Variants in CPD observed in about 807,000 individuals in gnomAD.
CPD encodes carboxypeptidase D, also known as metallocarboxypeptidase D.
CPD carries 69 observed loss-of-function variants against 138.3 expected under a neutral mutation model. The ratio of observed to expected loss-of-function variants is 0.50; its 90% CI spans 0.41 to 0.61. The LOEUF (loss-of-function observed/expected upper bound fraction) is 0.61, where lower values mean the gene tolerates loss of function less well. Among genes scored for constraint, CPD ranks in the 20% least tolerant of loss-of-function variants. The pLI, the probability that CPD is intolerant of heterozygous loss-of-function variation, is 0.00. For missense variants in CPD, 1,432 were observed against 1,733.3 expected (o/e 0.83, Z 3.09); for synonymous variants, 651 against 642.1 (o/e 1.01, Z -0.21).
chr17:30,431,657 T>C, intron 7 of CPD, 115 bp from the exon 8 acceptor site: 1 of 688,772 alleles, frequency 1.5e-6, no homozygotes, highest in Non-Finnish European at 2.5e-6. Flanking sequence ...GTTGAGGAAA[T>C]TCTGCTTGGC....
At chr17:30,445,609 A>G in intron 11 of CPD, 82 bp from the exon 12 acceptor site, 2 of 958,308 alleles carry the variant, frequency 2.1e-6, no homozygotes, top group Non-Finnish European at 3.1e-6. Context: ...AAGGATTCTT[A>G]CGTTCTCTGC....
intron 14 of CPD, 157 bp from the exon 15 acceptor site, chr17:30,455,182 T>A (rs1913262325): frequency 4.7e-6 from 3 of 636,522 alleles, no homozygotes; most frequent in Non-Finnish European, 8.0e-6. Context: ...GTAATGTATC[T>A]TTCTTGCTTG....
rs1305622258 is a variant in CPD at position 30,427,398 on chromosome 17, A to G, written c.1857A>G (p.Ser619=). The G allele has an allele frequency of 9.3e-6, 15 of 1,613,872 alleles. No homozygotes were observed. Among genetic ancestry groups the G allele is most frequent in the Admixed American group, 3.3e-5 (2 of 60,004 alleles). Residue 619 remains serine (S), a synonymous_variant, in exon 7 of 21, where the codon TCA becomes TCG. Transcript: ENST00000225719. ...DGYEKSQEGD[S]ISVIGRNNSN... ...CTTTATCATATCATACAGGAGATTC[A>G]ATAAGTGTAATTGGCAGAAACAACA... is the stretch of plus-strand genomic sequence containing the variant.
intron 2 of CPD, among the ~76,000 whole-genome samples, chr17:30,398,868 A>T (rs990217805): frequency 1.3e-5 from 2 of 150,424 alleles, no homozygotes; most frequent in Non-Finnish European, 3.0e-5. Context: ...TTAAATAATT[A>T]AAAAAAAATT....
intron 11 of CPD, among the ~76,000 whole-genome samples, chr17:30,444,627 G>T (rs1912980254): frequency 6.6e-6 from 1 of 151,438 alleles, no homozygotes; most frequent in Non-Finnish European, 1.5e-5. Flanking sequence ...GGGTTCAAGG[G>T]ATGCTTGTGC....
Position 30,462,545 on chromosome 17 carries a change from C to G in CPD, c.3916+76C>G. On this transcript the variant is annotated intron_variant, in intron 20 of 20. Transcript: ENST00000225719. ...TTCAATATGAGAGTGGGTCACCTCT[C>G]TCATATTGATCCTGAAACTAATCAC... 3 of 948,004 alleles carry G rather than the reference C, an allele frequency of 3.2e-6. 1 individual carries two copies. The highest frequency in any genetic ancestry group is 4.5e-4 in the Middle Eastern group (2 of 4,492). 58.7% of individuals were successfully genotyped at this position (948,004 alleles called of 1,614,324 possible). A position where few individuals can be genotyped will look rare whatever the true frequency, so the allele number is the denominator to read the frequency against.
At chr17:30,399,997 T>A (rs915960884) in intron 2 of CPD, among the ~76,000 whole-genome samples, 4 of 152,050 alleles carry the variant, frequency 2.6e-5, no homozygotes, top group Non-Finnish European at 4.4e-5. Context: ...TCTCAAAAAA[T>A]AAATAAATAA....
intron 2 of CPD, among the ~76,000 whole-genome samples, chr17:30,411,143 C>A (rs562698767): frequency 6.6e-6 from 1 of 152,270 alleles, no homozygotes; most frequent in South Asian, 2.1e-4. Flanking sequence ...ATATGAAATT[C>A]TGGATTGAAA....
chr17:30,419,652 G>A (rs1912214656), intron 2 of CPD, among the ~76,000 whole-genome samples: 1 of 151,980 alleles, frequency 6.6e-6, no homozygotes, highest in East Asian at 1.9e-4. Context: ...AAATCAGCAT[G>A]TATTTTTAAA....
intron 7 of CPD, among the ~76,000 whole-genome samples, chr17:30,428,742 C>G (rs573594735): frequency 6.7e-4 from 102 of 152,088 alleles, no homozygotes; most frequent in African/African-American, 2.3e-3. Flanking sequence ...GGAGTGACTG[C>G]TAATGGATTT....
chr17:30,418,983 T>G (rs903126235), intron 2 of CPD, among the ~76,000 whole-genome samples: 5 of 152,254 alleles, frequency 3.3e-5, no homozygotes, highest in Non-Finnish European at 7.3e-5. Flanking sequence ...CTAACTTTTT[T>G]GTCTTACCAA....
rs1913304661 is a variant in CPD, at chr17:30,456,589, C to T, written c.3498+63C>T. On this transcript the variant is annotated intron_variant, in intron 17 of 20. Transcript: ENST00000225719. ...CCAGGCACAATGCCGTATGTGTAAA[C>T]CCAGTGCTTTGGGAGGCCAAGGCAG... 8.5e-6 allele frequency: 13 copies of T among 1,537,822 alleles called. No homozygotes were observed. The South Asian group carries it at 1.2e-4, about 15-fold the overall frequency.
chr17:30,431,413 T>G (rs148068595), intron 7 of CPD, among the ~76,000 whole-genome samples: 215 of 152,326 alleles, frequency 1.4e-3, no homozygotes, highest in Non-Finnish European at 1.5e-3. Flanking sequence ...TTGTCTTTTC[T>G]CTTTCTTATG....
intron 17 of CPD, chr17:30,456,869 A>AT (rs1913314899): frequency 5.1e-6 from 1 of 197,680 alleles, no homozygotes; most frequent in Non-Finnish European, 1.0e-5. Context: ...AAAAAAAAAA[A>AT]GAATGGAGTT....
intron 5 of CPD, 150 bp from the exon 6 acceptor site, chr17:30,423,356 G>A: frequency 3.7e-6 from 2 of 546,182 alleles, no homozygotes; most frequent in Non-Finnish European, 6.3e-6. Context: ...TGCTTTATAA[G>A]ATGTTTCTGA....
Position 30,451,755 on chromosome 17 carries a change from A to G in CPD, c.3114A>G (p.Pro1038=). The G allele has an allele frequency of 6.2e-7, 1 of 1,614,112 alleles. No homozygotes were observed. Among genetic ancestry groups the G allele is most frequent in the Non-Finnish European group, 8.5e-7 (1 of 1,179,972 alleles). ...TTGTGATTGTCCCTTCTCTAAATCC[A>G]GATGGGCGAGAGAGAGCTCAAGAGA... The part of the protein sequence containing the change: ...TRIVIVPSLN[P]DGRERAQEKD... Residue 1038 remains proline (P), a synonymous_variant, in exon 14 of 21, where the codon CCA becomes CCG. Coordinates refer to ENST00000225719, the MANE Select transcript of CPD (RefSeq NM_001304.5).
intron 7 of CPD, 146 bp from the exon 8 acceptor site, chr17:30,431,626 A>AT: frequency 1.6e-6 from 1 of 622,910 alleles, no homozygotes; most frequent in Non-Finnish European, 2.8e-6. Flanking sequence ...AATTGAAGAA[A>AT]TTAGTGTAAT....
intron 14 of CPD, among the ~76,000 whole-genome samples, chr17:30,453,383 G>T (rs575455151): frequency 9.2e-5 from 14 of 152,186 alleles, no homozygotes; most frequent in Admixed American, 9.2e-4. Context: ...ATCCAGCAGG[G>T]CAGTCAAATC....
chr17:30,446,334 C>A (rs991213494), intron 12 of CPD, among the ~76,000 whole-genome samples: 2 of 151,812 alleles, frequency 1.3e-5, no homozygotes. Context: ...CCTACCCCTA[C>A]CCCACAACAG....
Sources: allele counts gnomAD v4.1 joint callset (sites outside exome capture counted in the v4.1 genomes callset), GRCh38; gene constraint gnomAD v4.1.1; transcripts MANE v1.5; gene names NCBI Gene and HGNC (gene_info 2026-07-23, HGNC 2026-07-21).